The following ZNF749 variants were observed in gnomAD, a reference collection of about 807,000 sequenced individuals.
The protein encoded by ZNF749 is zinc finger protein 749.
A neutral mutation model predicts 7.3 loss-of-function variants in ZNF749; 8 were observed. That is an observed-to-expected ratio of 1.10 (90% CI 0.64 to 1.98). The LOEUF (loss-of-function observed/expected upper bound fraction) is 1.98, where lower values mean the gene tolerates loss of function less well. Ranked by LOEUF, ZNF749 falls within the 30% of genes most tolerant of loss-of-function variation. ZNF749 has a pLI of 0.00. For missense variants in ZNF749, 898 were observed against 932.4 expected, an observed-to-expected ratio of 0.96 and a Z score of 0.48; for synonymous variants, 310 against 322.4, an observed-to-expected ratio of 0.96 and a Z score of 0.41.
rs188233933 is a variant in ZNF749, at chr19:57,442,768, C to G, written c.143-523C>G. On this transcript the variant is annotated intron_variant, in intron 2 of 2. Transcript: ENST00000334181. This position sits in a 1 kb window ranked among gnomAD's most constrained non-coding sequence, Gnocchi z 6.6. ...GTTTGATGCAGGGCCACTGGCCACT[C>G]GTCACTCTTCCTTTCCTTCCCTGTT... 1.4e-4 allele frequency among the ~76,000 whole-genome samples: 21 copies of G among 152,280 alleles called. No individual in the cohort carries two copies. The highest frequency in any genetic ancestry group is 6.5e-5 in the Admixed American group (1 of 15,306).
chr19:57,435,262 C>G (rs2088922216), upstream of ZNF749: 17 of 509,808 alleles, frequency 3.3e-5, no homozygotes, highest in South Asian at 3.6e-4. Flanking sequence ...GGGGGCAGGG[C>G]AGCGAGTGTA....
At chr19:57,432,561 TAAAAAAAAAA>T (rs750185614), upstream of ZNF749, among the ~76,000 whole-genome samples, 1 of 74,234 alleles carries the variant, frequency 1.3e-5, no homozygotes, top group African/African-American at 5.5e-5. Context: ...GACTCTGTCT[TAAAAAAAAAA>T]AAAAAAAAAA....
At chr19:57,440,449 G>T (rs1012443211) in intron 1 of ZNF749, among the ~76,000 whole-genome samples, 1 of 151,880 alleles carries the variant, frequency 6.6e-6, no homozygotes, top group Admixed American at 6.6e-5. Context: ...GTTTTGGGGG[G>T]GCTGAGGTTA....
the ZNF749 span, among the ~76,000 whole-genome samples, chr19:57,429,547 A>G: frequency 2.6e-5 from 4 of 152,216 alleles, no homozygotes; most frequent in African/African-American, 9.7e-5. The surrounding 1 kb of genome is among the most constrained non-coding windows in gnomAD (Gnocchi z 4.2). Context: ...GCACAGTCAC[A>G]GTTCACTGCA....
At chr19:57,438,904 C>T (rs764193518) in intron 1 of ZNF749, among the ~76,000 whole-genome samples, 7 of 152,090 alleles carry the variant, frequency 4.6e-5, no homozygotes, top group Non-Finnish European at 8.8e-5. Flanking sequence ...CTTACTGGTG[C>T]GACTTAGCTG....
In ZNF749 at chr19:57,445,539, G is replaced by A. The variant is rs1390025006; in HGVS notation, c.*54G>A. 1.0e-5 allele frequency: 16 copies of A among 1,543,036 alleles called. No individual in the cohort carries two copies. The highest frequency in any genetic ancestry group is 1.4e-5 in the Non-Finnish European group (16 of 1,149,260). On this transcript the variant is annotated 3_prime_UTR_variant, in exon 3 of 3. Transcript: ENST00000334181. The stretch of plus-strand genomic sequence containing the variant: ...CTGTCACCTCATTCAGCACCAAAAG[G>A]TTCACATCGGACCAAGAACCTATTA...
chr19:57,430,096 C>G, the ZNF749 span, among the ~76,000 whole-genome samples: 1 of 152,300 alleles, frequency 6.6e-6, no homozygotes, highest in Non-Finnish European at 1.5e-5. Context: ...ATCTGAGGTT[C>G]ACACCAACAT....
upstream of ZNF749, among the ~76,000 whole-genome samples, chr19:57,431,804 A>G (rs1255130211): frequency 1.3e-5 from 2 of 152,166 alleles, no homozygotes; most frequent in African/African-American, 2.4e-5. Context: ...ACAAGTCACT[A>G]GAGCCTATGC....
chr19:57,443,518 G>A lies in ZNF749; in HGVS notation c.370G>A (p.Glu124Lys). 3 of 1,614,224 alleles carry A rather than the reference G, an allele frequency of 1.9e-6. No individual in the cohort carries two copies. Among genetic ancestry groups the A allele is most frequent in the Non-Finnish European group, 2.5e-6 (3 of 1,180,030 alleles). The change falls in exon 3 of 3, where the codon GAG (glutamate) becomes AAG (lysine). Residue 124 changes from glutamate (E) to lysine (K), a missense_variant. Transcript: ENST00000334181. ...CAAEHDLHQK[E>K]QIREKLTRSD... Reference sequence around the variant, plus strand: ...AGCAGAGCATGACCTGCACCAAAAGGAGCAGATTAGAGAGAAGCTCACCAG... The same window carrying A: ...AGCAGAGCATGACCTGCACCAAAAGAAGCAGATTAGAGAGAAGCTCACCAG...
At chr19:57,434,237 A>G (rs2123086777), upstream of ZNF749, among the ~76,000 whole-genome samples, 1 of 152,222 alleles carries the variant, frequency 6.6e-6, no homozygotes, top group Non-Finnish European at 1.5e-5. Context: ...AGCTGGCATT[A>G]CAGGCATGTG....
At position 57,446,901 on chromosome 19, in the gene ZNF749, A is replaced by G. The variant is rs968260251; in HGVS notation, c.*1416A>G. On this transcript the variant is annotated 3_prime_UTR_variant, in exon 3 of 3. Transcript: ENST00000334181. ...CCAAAAGGTACTGTAAAAATGTATG[A>G]AAAATGGTAAAAACTTTATAGGGCA... Among the ~76,000 whole-genome samples the G allele has an allele frequency of 2.6e-5, 4 of 152,214 alleles. No homozygotes were observed. Among genetic ancestry groups the G allele is most frequent in the African/African-American group, 9.7e-5 (4 of 41,450 alleles).
rs774084464 is a variant in ZNF749, at chr19:57,444,819, G to T, written c.1671G>T (p.Val557=). Residue 557 remains valine, a synonymous_variant, in exon 3 of 3, where the codon GTG becomes GTT. Transcript: ENST00000334181. The part of the protein sequence containing the change: ...KRIDLRPRPY[V]CSECGKAFLT... ...TTGACCTCAGGCCAAGGCCTTATGT[G>T]TGTAGTGAATGTGGGAAGGCCTTCC... The T allele has an allele frequency of 6.2e-7, 1 of 1,613,022 alleles. No homozygotes were observed. The highest frequency in any genetic ancestry group is 2.2e-5 in the East Asian group (1 of 44,814).
intron 1 of ZNF749, among the ~76,000 whole-genome samples, chr19:57,435,927 T>G (rs1318144908): frequency 6.6e-6 from 1 of 151,972 alleles, no homozygotes; most frequent in Non-Finnish European, 1.5e-5. Flanking sequence ...AATGGGAGGG[T>G]CACGCCCAGA....
chr19:57,438,745 T>C (rs938282442), intron 1 of ZNF749, among the ~76,000 whole-genome samples: 2 of 152,166 alleles, frequency 1.3e-5, no homozygotes, highest in African/African-American at 4.8e-5. Flanking sequence ...AAACTTCATG[T>C]TTTTCCCTTC....
upstream of ZNF749, among the ~76,000 whole-genome samples, chr19:57,432,303 C>T (rs1205883077): frequency 6.7e-6 from 1 of 149,934 alleles, no homozygotes; most frequent in Non-Finnish European, 1.5e-5. Context: ...AGGCGGGGCG[C>T]GGTGGCTCAC....
chr19:57,437,660 G>A (rs1339242336), intron 1 of ZNF749, among the ~76,000 whole-genome samples: 1 of 150,382 alleles, frequency 6.6e-6, no homozygotes, highest in Non-Finnish European at 1.5e-5. Context: ...GGAGGTGGAG[G>A]TTCCAGTGAG....
Position 57,444,863 on chromosome 19 carries a change from A to G in ZNF749, c.1715A>G (p.Asp572Gly), listed in dbSNP as rs1206089628. Reference protein sequence around the residue: ...GKAFLTQAHLDGHQKIQTGER... With the variant: ...GKAFLTQAHLGGHQKIQTGER... ...GCCTTCCTTACACAGGCTCATCTAG[A>G]TGGTCACCAGAAAATCCAGACTGGA... Residue 572 changes from aspartate (D) to glycine (G), a missense_variant, in exon 3 of 3, where the codon GAT becomes GGT. Transcript: ENST00000334181. 6.2e-7 allele frequency: 1 copy of G among 1,613,860 alleles called. No homozygotes were observed. The highest frequency in any genetic ancestry group is 2.2e-5 in the East Asian group (1 of 44,838).
At chr19:57,438,187 A>C (rs900284668) in intron 1 of ZNF749, 9 of 398,512 alleles carry the variant, frequency 2.3e-5, no homozygotes, top group Non-Finnish European at 4.0e-5. Context: ...TGAAAGCAGG[A>C]TGTTGGCAAA....
At position 57,444,823 on chromosome 19, in the gene ZNF749, A is replaced by G. The variant is rs773690574; in HGVS notation, c.1675A>G (p.Ser559Gly). 1.9e-6 allele frequency: 3 copies of G among 1,614,126 alleles called. No homozygotes were observed. Among genetic ancestry groups the G allele is most frequent in the Non-Finnish European group, 1.7e-6 (2 of 1,179,972 alleles). ...CCTCAGGCCAAGGCCTTATGTGTGT[A>G]GTGAATGTGGGAAGGCCTTCCTTAC... ...IDLRPRPYVC[S>G]ECGKAFLTQA... Residue 559 changes from serine to glycine, a missense_variant, in exon 3 of 3, where the codon AGT (serine) becomes GGT (glycine). Physicochemically the swap from Ser to Gly is moderately conservative, Grantham distance 56 (BLOSUM62 0). Transcript: ENST00000334181.
Sources: allele counts gnomAD v4.1 joint callset (sites outside exome capture counted in the v4.1 genomes callset), GRCh38; gene constraint gnomAD v4.1.1; non-coding constraint Gnocchi (gnomAD v3.1); transcripts MANE v1.5; gene names NCBI Gene and HGNC (gene_info 2026-07-23, HGNC 2026-07-21).